Variants in IGF2BP1 observed in about 807,000 individuals in gnomAD.
IGF2BP1 encodes the protein insulin like growth factor 2 mRNA binding protein 1, also known as insulin-like growth factor 2 mRNA-binding protein 1.
A neutral mutation model predicts 74.9 loss-of-function variants in IGF2BP1; 11 were observed. That is an observed-to-expected ratio of 0.15 (90% CI 0.09 to 0.24). The LOEUF (loss-of-function observed/expected upper bound fraction) is 0.24. Ranked by LOEUF, IGF2BP1 falls within the 10% of genes least tolerant of loss-of-function variation. The pLI is 1.00. For missense variants in IGF2BP1, 440 were observed against 757.4 expected (o/e 0.58, Z 4.92); for synonymous variants, 287 against 281.8 (o/e 1.02, Z -0.18).
chr17:49,027,857 A>G (rs1280749128), intron 4 of IGF2BP1, among the ~76,000 whole-genome samples: 2 of 140,812 alleles, frequency 1.4e-5, no homozygotes, highest in Non-Finnish European at 3.1e-5. Context: ...GTCTCAGAAA[A>G]AAAAAAAAAA....
intron 2 of IGF2BP1, among the ~76,000 whole-genome samples, chr17:49,019,323 A>G (rs1045114496): frequency 8.6e-5 from 13 of 151,764 alleles, no homozygotes; most frequent in East Asian, 3.9e-4. Context: ...TCTCCTTCCA[A>G]CCCCCCGTAA....
chr17:49,010,320 T>C (rs796366588), intron 2 of IGF2BP1, among the ~76,000 whole-genome samples: 175 of 146,050 alleles, frequency 1.2e-3, no homozygotes, highest in African/African-American at 4.0e-3. Context: ...CATCTTTTTT[T>C]TTTTTTTTTT....
chr17:49,007,983 C>A (rs1423331660), intron 2 of IGF2BP1, among the ~76,000 whole-genome samples: 1 of 151,930 alleles, frequency 6.6e-6, no homozygotes, highest in African/African-American at 2.4e-5. Context: ...ACCAGCCTGA[C>A]CAACATGGTG....
At chr17:49,043,664 G>C in intron 10 of IGF2BP1, 114 bp downstream of exon 10, 4 of 1,308,468 alleles carry the variant, frequency 3.1e-6, no homozygotes, top group Non-Finnish European at 4.2e-6. Flanking sequence ...GGAGAGGGAA[G>C]GAAGGTCTCA....
intron 6 of IGF2BP1, 135 bp from the exon 7 acceptor site, chr17:49,039,822 A>G (rs533422734): frequency 1.4e-5 from 13 of 926,200 alleles, no homozygotes; most frequent in Non-Finnish European, 2.2e-5. Context: ...GCCCTTCCCA[A>G]AGTTGTACTT....
intron 1 of IGF2BP1, among the ~76,000 whole-genome samples, 165 bp downstream of exon 1, chr17:48,998,085 C>G (rs2041430903): frequency 6.6e-6 from 1 of 151,968 alleles, no homozygotes; most frequent in Non-Finnish European, 1.5e-5. Context: ...CTCCCTCGCT[C>G]TGCGCCTCCC....
chr17:49,014,417 C>T (rs1243424664), intron 2 of IGF2BP1, among the ~76,000 whole-genome samples: 5 of 151,670 alleles, frequency 3.3e-5, no homozygotes, highest in Non-Finnish European at 7.4e-5. Context: ...TTCTCTTGGC[C>T]GTCCCCTCCT....
rs190694803 is a variant in IGF2BP1 at position 49,052,608 on chromosome 17, G to A, written c.*3164G>A. 6.6e-6 allele frequency: 1 copy of A among 152,424 alleles called. No homozygotes were observed. The highest frequency in any genetic ancestry group is 1.5e-5 in the Non-Finnish European group (1 of 68,028). The allele number at this position is 152,424 out of a possible 1,614,324, so 9.4% of individuals were successfully genotyped here. A position where few individuals can be genotyped will look rare whatever the true frequency, so the allele number is the denominator to read the frequency against. ...ACCACCAGAAAGCAAAAGGAGCATG[G>A]TTTGGTGGTTAAGGTTTAGTGGGAT... is the stretch of plus-strand genomic sequence containing the variant. On this transcript the variant is annotated 3_prime_UTR_variant, in exon 15 of 15. Transcript: ENST00000290341.
intron 14 of IGF2BP1, among the ~76,000 whole-genome samples, chr17:49,048,599 C>T (rs369335632): frequency 5.9e-5 from 9 of 152,136 alleles, no homozygotes; most frequent in South Asian, 2.1e-4. Context: ...TAAAATGAAG[C>T]GTGGATTTGT....
intron 2 of IGF2BP1, among the ~76,000 whole-genome samples, chr17:49,019,955 T>TACATATATATATATATTTATATACAC (rs2041767250): frequency 2.5e-5 from 2 of 78,454 alleles, no homozygotes; most frequent in African/African-American, 1.2e-4. Context: ...TATATTTATA[T>TACATATATATATATATTTATATACAC]ACACACACAC....
chr17:49,015,670 C>T (rs1484641855), intron 2 of IGF2BP1, among the ~76,000 whole-genome samples: 1 of 152,230 alleles, frequency 6.6e-6, no homozygotes, highest in Admixed American at 6.5e-5. Context: ...GACCACTTCT[C>T]CCCTTTGGGA....
intron 5 of IGF2BP1, 23 bp downstream of exon 5, chr17:49,031,996 C>A (rs773696783): frequency 3.3e-6 from 4 of 1,212,612 alleles, no homozygotes; most frequent in Admixed American, 3.5e-5. Context: ...GGAAGTGGGG[C>A]TGGGTGCGGT....
intron 6 of IGF2BP1, among the ~76,000 whole-genome samples, chr17:49,038,972 G>T (rs1241864057): frequency 1.3e-5 from 2 of 151,020 alleles, no homozygotes; most frequent in African/African-American, 4.9e-5. Context: ...CTGCCTCCCG[G>T]GTTCAAGCAA....
rs1451678832 is a variant in IGF2BP1 at position 49,053,081 on chromosome 17, T to TA, written c.*3638dup. On this transcript the variant is annotated 3_prime_UTR_variant, in exon 15 of 15. Coordinates refer to ENST00000290341, the MANE Select transcript of IGF2BP1 (RefSeq NM_006546.4). ...AGCCATTTTTAAGGACAGGGAGTTT[T>TA]ATAGCCCTTTTCTACTTTCCTCCCC... The TA allele has an allele frequency of 6.6e-6, 1 of 152,226 alleles. No individual in the cohort carries two copies. Among genetic ancestry groups the TA allele is most frequent in the Non-Finnish European group, 1.5e-5 (1 of 68,048 alleles). The allele number at this position is 152,226 out of a possible 1,614,324, so 9.4% of individuals were successfully genotyped here.
At chr17:49,031,593 A>G (rs8079167) in intron 4 of IGF2BP1, among the ~76,000 whole-genome samples, 79,830 of 150,616 alleles carry the variant, frequency 0.53, 22,089 homozygotes, top group African/African-American at 0.69. Flanking sequence ...TGCTTCCTAG[A>G]TTCAAGTGAT....
At chr17:49,046,447 G>A in intron 14 of IGF2BP1, 74 bp downstream of exon 14, 1 of 1,146,416 alleles carries the variant, frequency 8.7e-7, no homozygotes, top group Non-Finnish European at 1.3e-6. Context: ...CTCTATAGAG[G>A]TTGACCTTCA....
chr17:48,998,017 C>A, intron 1 of IGF2BP1, 97 bp downstream of exon 1: 1 of 1,428,140 alleles, frequency 7.0e-7, no homozygotes, highest in South Asian at 1.3e-5. Flanking sequence ...TCCTCTCTTC[C>A]CGGGCCTGCG....
chr17:49,000,870 C>G (rs76849307), intron 2 of IGF2BP1, among the ~76,000 whole-genome samples: 2,815 of 151,858 alleles, frequency 0.019, 82 homozygotes, highest in African/African-American at 0.062. Context: ...GGCCCTTTTT[C>G]CCTCCAAAAT....
At chr17:49,005,966 GC>G (rs1344946527) in intron 2 of IGF2BP1, among the ~76,000 whole-genome samples, 4 of 152,138 alleles carry the variant, frequency 2.6e-5, no homozygotes, top group Non-Finnish European at 5.9e-5. Flanking sequence ...GGAGGCTGAG[GC>G]CAGAGAATTG....
Sources: gnomAD v4.1 joint callset for allele counts (sites outside exome capture counted in the v4.1 genomes callset) on GRCh38, gnomAD v4.1.1 for gene constraint, MANE v1.5 for transcripts, NCBI Gene and HGNC (gene_info 2026-07-23, HGNC 2026-07-21) for gene names.